SCHIP1: variants seen among roughly 807,000 people sequenced by gnomAD.
SCHIP1 encodes the protein schwannomin-interacting protein 1.
In SCHIP1, 8 loss-of-function variants were observed where a neutral mutation model predicts 29.7. The ratio of observed to expected loss-of-function variants is 0.27; its 90% CI spans 0.16 to 0.49. The LOEUF is 0.49. Among genes scored for constraint, SCHIP1 ranks in the 20% least tolerant of loss-of-function variants. The pLI is 0.99. For synonymous variants in SCHIP1, 76 were observed against 94.9 expected (o/e 0.80, Z 1.16); for missense variants, 193 against 294.6 (o/e 0.66, Z 2.52).
chr3:159,712,045 A>G, the SCHIP1 span, among the ~76,000 whole-genome samples: 1 of 152,316 alleles, frequency 6.6e-6, no homozygotes, highest in Admixed American at 6.5e-5. Context: ...GATGCTGCTG[A>G]CACCACACAC....
chr3:159,501,713 T>C, the SCHIP1 span, among the ~76,000 whole-genome samples: 1 of 152,234 alleles, frequency 6.6e-6, no homozygotes, highest in African/African-American at 2.4e-5. Context: ...TAGTCACCTA[T>C]AATGAATAGT....
the SCHIP1 span, among the ~76,000 whole-genome samples, chr3:159,363,251 T>A: frequency 6.8e-6 from 1 of 147,924 alleles, no homozygotes; most frequent in East Asian, 2.0e-4. Flanking sequence ...GCCTAATAAG[T>A]AAAGCATTTT....
chr3:159,752,601 G>A, the SCHIP1 span, among the ~76,000 whole-genome samples: 12 of 152,072 alleles, frequency 7.9e-5, no homozygotes, highest in South Asian at 6.2e-4. Flanking sequence ...GAGGTGTCTC[G>A]CATGGTGGAA....
chr3:159,401,049 A>G, the SCHIP1 span: 1 of 261,546 alleles, frequency 3.8e-6, no homozygotes, highest in East Asian at 1.8e-4. Context: ...TGTACCTGAC[A>G]CATAATAAGG....
At chr3:159,674,616 A>G in the SCHIP1 span, among the ~76,000 whole-genome samples, 2 of 151,596 alleles carry the variant, frequency 1.3e-5, no homozygotes, top group South Asian at 4.2e-4. Flanking sequence ...AAAAAAAAAA[A>G]AAAAAAAGCT....
chr3:159,640,037 T>C, the SCHIP1 span, among the ~76,000 whole-genome samples: 47 of 152,188 alleles, frequency 3.1e-4, 1 homozygote, highest in Non-Finnish European at 5.9e-5. Context: ...AGCAAGTATC[T>C]TATCTGGAGT....
chr3:159,600,632 AT>A, the SCHIP1 span, among the ~76,000 whole-genome samples: 1 of 152,160 alleles, frequency 6.6e-6, no homozygotes, highest in East Asian at 1.9e-4. Flanking sequence ...CACTAAGCTT[AT>A]TTAAAAATCA....
At chr3:159,648,846 C>T in the SCHIP1 span, among the ~76,000 whole-genome samples, 2 of 152,068 alleles carry the variant, frequency 1.3e-5, no homozygotes, top group African/African-American at 2.4e-5. Context: ...TTCACGGCCT[C>T]TCTCTGGATT....
chr3:159,488,502 T>C, the SCHIP1 span, among the ~76,000 whole-genome samples: 1 of 151,910 alleles, frequency 6.6e-6, no homozygotes, highest in Non-Finnish European at 1.5e-5. Flanking sequence ...AAAAGAAATA[T>C]TGGCTGAAGT....
the SCHIP1 span, among the ~76,000 whole-genome samples, chr3:159,667,187 G>A: frequency 6.6e-6 from 1 of 152,142 alleles, no homozygotes; most frequent in Admixed American, 6.5e-5. Flanking sequence ...GATGCCCAAA[G>A]CAGACAAGAA....
At chr3:159,442,083 T>C in the SCHIP1 span, among the ~76,000 whole-genome samples, 15 of 152,122 alleles carry the variant, frequency 9.9e-5, no homozygotes, top group African/African-American at 3.6e-4. Flanking sequence ...TAGGCTGATG[T>C]GGCTAGAGTA....
the SCHIP1 span, among the ~76,000 whole-genome samples, chr3:159,735,564 T>C: frequency 3.3e-5 from 5 of 152,130 alleles, no homozygotes. Flanking sequence ...TCCTAACCCA[T>C]TCACACAGCT....
chr3:159,626,199 GATAGATAGAT>G, the SCHIP1 span, among the ~76,000 whole-genome samples: 1 of 110,172 alleles, frequency 9.1e-6, no homozygotes, highest in African/African-American at 7.2e-5. Flanking sequence ...TAGATAGATA[GATAGATAGAT>G]ATATCTAGAT....
At chr3:159,713,210 G>GAC in the SCHIP1 span, among the ~76,000 whole-genome samples, 6 of 122,798 alleles carry the variant, frequency 4.9e-5, no homozygotes, top group African/African-American at 2.0e-4. Context: ...GAAAGAAAGA[G>GAC]AGAGAGAGAG....
chr3:159,771,578 C>A, the SCHIP1 span, among the ~76,000 whole-genome samples: 1 of 151,910 alleles, frequency 6.6e-6, no homozygotes, highest in African/African-American at 2.4e-5. Flanking sequence ...ATGAAAAGTT[C>A]TTTGCCTACT....
the SCHIP1 span, among the ~76,000 whole-genome samples, chr3:159,488,829 C>T: frequency 6.6e-6 from 1 of 152,162 alleles, no homozygotes; most frequent in Non-Finnish European, 1.5e-5. Flanking sequence ...CTGGCATCTG[C>T]TTCAGATTTA....
At chr3:159,423,088 G>A in the SCHIP1 span, among the ~76,000 whole-genome samples, 9 of 152,212 alleles carry the variant, frequency 5.9e-5, no homozygotes, top group East Asian at 3.8e-4. Flanking sequence ...CAAGATGGCC[G>A]AATAGGAACA....
the SCHIP1 span, among the ~76,000 whole-genome samples, chr3:159,448,487 T>C: frequency 1.3e-5 from 2 of 151,644 alleles, no homozygotes; most frequent in East Asian, 3.9e-4. Flanking sequence ...GAAAAAAAAG[T>C]ATTGTTCTGT....
At chr3:159,764,784 G>T in the SCHIP1 span, 1 of 1,566,158 alleles carries the variant, frequency 6.4e-7, no homozygotes, top group Non-Finnish European at 8.6e-7. The surrounding 1 kb of genome is among the most constrained non-coding windows in gnomAD (Gnocchi z 6.1). Context: ...GCGGCGGCGG[G>T]GGCAGGAGCG....
Sources: allele counts gnomAD v4.1 joint callset (sites outside exome capture counted in the v4.1 genomes callset), GRCh38; gene constraint gnomAD v4.1.1; non-coding constraint Gnocchi (gnomAD v3.1); transcripts MANE v1.5; gene names NCBI Gene and HGNC (gene_info 2026-07-23, HGNC 2026-07-21).